Variants in NRG3 observed in about 807,000 individuals in gnomAD.
NRG3 encodes pro-neuregulin-3, membrane-bound isoform.
In NRG3, 31 loss-of-function variants were observed where a neutral mutation model predicts 66.9. The ratio of observed to expected loss-of-function variants is 0.46; its 90% CI spans 0.35 to 0.63. NRG3 has a LOEUF of 0.63. NRG3 is among the 20% of genes least tolerant of loss of function. NRG3 has a pLI of 0.00. For synonymous variants in NRG3, 393 were observed against 359.4 expected (o/e 1.09, Z -1.06); for missense variants, 910 against 878.9 (o/e 1.04, Z -0.45).
At chr10:81,895,572 G>A (rs188479550) in intron 1 of NRG3, among the ~76,000 whole-genome samples, 3 of 152,262 alleles carry the variant, frequency 2.0e-5, no homozygotes, top group East Asian at 3.9e-4. Context: ...CAGAATGCCT[G>A]TAATAGTTGT....
chr10:82,891,477 G>A (rs1472344637), intron 4 of NRG3, among the ~76,000 whole-genome samples: 1 of 151,766 alleles, frequency 6.6e-6, no homozygotes, highest in Non-Finnish European at 1.5e-5. Context: ...ATATTTTATA[G>A]ATTTCTGTCT....
At chr10:82,807,024 C>A (rs138772138) in intron 3 of NRG3, among the ~76,000 whole-genome samples, 1 of 152,182 alleles carries the variant, frequency 6.6e-6, no homozygotes, top group Admixed American at 6.5e-5. Flanking sequence ...GCTTTCCACA[C>A]ATTGTTTGCT....
At chr10:82,751,020 T>C (rs1224019637) in intron 3 of NRG3, among the ~76,000 whole-genome samples, 1 of 152,158 alleles carries the variant, frequency 6.6e-6, no homozygotes, top group Admixed American at 6.6e-5. Context: ...CTAATTCTTG[T>C]ACATGATACG....
intron 2 of NRG3, among the ~76,000 whole-genome samples, chr10:82,690,432 T>C (rs777156154): frequency 2.0e-5 from 3 of 152,202 alleles, no homozygotes; most frequent in Non-Finnish European, 4.4e-5. Flanking sequence ...CCTCATTTCA[T>C]GCAGGCAGGA....
At chr10:82,049,535 C>G (rs529884479) in intron 1 of NRG3, among the ~76,000 whole-genome samples, 2 of 152,118 alleles carry the variant, frequency 1.3e-5, no homozygotes, top group Admixed American at 1.3e-4. Context: ...CTATTGAAAG[C>G]TATTTTCAAA....
intron 4 of NRG3, among the ~76,000 whole-genome samples, chr10:82,926,516 A>G (rs1048114178): frequency 6.6e-6 from 1 of 152,260 alleles, no homozygotes; most frequent in African/African-American, 2.4e-5. Context: ...GCATCCAAGA[A>G]GTATCTATCA....
At chr10:82,170,951 G>A (rs999143196) in intron 1 of NRG3, among the ~76,000 whole-genome samples, 4 of 151,408 alleles carry the variant, frequency 2.6e-5, no homozygotes, top group Non-Finnish European at 5.9e-5. Context: ...TTTGATTTAT[G>A]GGTGTTGTCA....
intron 2 of NRG3, among the ~76,000 whole-genome samples, chr10:82,604,421 G>A (rs1379371265): frequency 6.6e-6 from 1 of 152,084 alleles, no homozygotes; most frequent in Non-Finnish European, 1.5e-5. Context: ...GCCACAGTTT[G>A]CTTATCCATT....
intron 3 of NRG3, among the ~76,000 whole-genome samples, chr10:82,837,449 G>A (rs1309968680): frequency 1.3e-5 from 2 of 152,050 alleles, no homozygotes; most frequent in Non-Finnish European, 2.9e-5. Context: ...TATATTCAGT[G>A]AGTACAAAAG....
chr10:82,008,475 C>T (rs1360056922), intron 1 of NRG3, among the ~76,000 whole-genome samples: 1 of 152,270 alleles, frequency 6.6e-6, no homozygotes, highest in African/African-American at 2.4e-5. Context: ...CAGCAAATAT[C>T]TGTTGAATGT....
intron 1 of NRG3, among the ~76,000 whole-genome samples, chr10:82,054,921 A>G (rs2063761786): frequency 1.3e-5 from 2 of 151,914 alleles, no homozygotes; most frequent in African/African-American, 4.8e-5. Context: ...GATTGCTTGA[A>G]CATGTGAAAT....
At chr10:82,069,585 T>C (rs1354169116) in intron 1 of NRG3, among the ~76,000 whole-genome samples, 2 of 152,182 alleles carry the variant, frequency 1.3e-5, no homozygotes, top group African/African-American at 4.8e-5. Context: ...GTCTGCCAGC[T>C]CCAAACCAGG....
intron 1 of NRG3, among the ~76,000 whole-genome samples, chr10:81,882,319 C>G (rs1453215439): frequency 2.6e-5 from 4 of 151,946 alleles, no homozygotes; most frequent in Non-Finnish European, 5.9e-5. Context: ...GGAAGTGATT[C>G]CTTTAGGAGG....
At chr10:82,648,407 G>A (rs2051132529) in intron 2 of NRG3, among the ~76,000 whole-genome samples, 1 of 152,090 alleles carries the variant, frequency 6.6e-6, no homozygotes, top group Non-Finnish European at 1.5e-5. Context: ...GGTTACTGTA[G>A]CCTTGTAGTA....
At chr10:82,254,381 A>C (rs914584797) in intron 1 of NRG3, among the ~76,000 whole-genome samples, 3 of 152,172 alleles carry the variant, frequency 2.0e-5, no homozygotes, top group Non-Finnish European at 4.4e-5. Flanking sequence ...TACTCCTGAG[A>C]ACTATGATCA....
intron 1 of NRG3, among the ~76,000 whole-genome samples, chr10:81,885,945 A>G (rs1842578489): frequency 6.6e-6 from 1 of 152,128 alleles, no homozygotes; most frequent in African/African-American, 2.4e-5. Context: ...TGATAGCTTG[A>G]CTGAATTCTA....
intron 2 of NRG3, among the ~76,000 whole-genome samples, chr10:82,611,184 T>C (rs1280959999): frequency 3.9e-5 from 6 of 152,080 alleles, no homozygotes; most frequent in Non-Finnish European, 8.8e-5. Flanking sequence ...TAAGTAGTTA[T>C]TTATCCTTAG....
chr10:81,978,664 T>C (rs1388573308), intron 1 of NRG3, among the ~76,000 whole-genome samples: 1 of 152,172 alleles, frequency 6.6e-6, no homozygotes, highest in Non-Finnish European at 1.5e-5. Flanking sequence ...ATTAACACAG[T>C]GATCTTATTT....
chr10:82,151,894 C>G (rs192656219), intron 1 of NRG3, among the ~76,000 whole-genome samples: 2 of 152,284 alleles, frequency 1.3e-5, no homozygotes, highest in African/African-American at 4.8e-5. Context: ...TTTCTATTGA[C>G]CTCACTCTTT....
Sources: allele counts gnomAD v4.1 joint callset (sites outside exome capture counted in the v4.1 genomes callset), GRCh38; gene constraint gnomAD v4.1.1; transcripts MANE v1.5; gene names NCBI Gene and HGNC (gene_info 2026-07-23, HGNC 2026-07-21).